The following ANO2 variants were observed in gnomAD, a reference collection of about 807,000 sequenced individuals.
ANO2 encodes anoctamin 2, also known as anoctamin-2.
Under a neutral mutation model 124.2 loss-of-function variants are expected in ANO2, and 101 were observed. The observed-to-expected ratio is 0.81, with a 90% CI of 0.69 to 0.96. The LOEUF is 0.96. Ranked by LOEUF, ANO2 falls within the 40% of genes least tolerant of loss-of-function variation. The pLI, the probability that ANO2 is intolerant of heterozygous loss-of-function variation, is 0.00. For missense variants in ANO2, 1,293 were observed against 1,274.5 expected (o/e 1.01, Z -0.22); for synonymous variants, 486 against 482.5 (o/e 1.01, Z -0.09).
At chr12:5,705,423 A>G (rs1471551639) in intron 14 of ANO2, among the ~76,000 whole-genome samples, 1 of 152,242 alleles carries the variant, frequency 6.6e-6, no homozygotes, top group Non-Finnish European at 1.5e-5. Flanking sequence ...CTCTCAGGCC[A>G]AGAATCACAG....
chr12:5,729,908 C>T (rs931227544), intron 14 of ANO2, among the ~76,000 whole-genome samples: 15 of 152,212 alleles, frequency 9.9e-5, no homozygotes, highest in African/African-American at 1.4e-4. Flanking sequence ...AGCTAAGGAC[C>T]GCATATTCTA....
chr12:5,686,132 C>T (rs1171670868), intron 14 of ANO2, among the ~76,000 whole-genome samples: 2 of 152,158 alleles, frequency 1.3e-5, no homozygotes, highest in African/African-American at 4.8e-5. Context: ...TCCCGGGTAG[C>T]TCTCGAGAAC....
At chr12:5,732,818 G>T (rs758858208) in intron 13 of ANO2, 188 bp from the exon 14 acceptor site, 1 of 1,612,498 alleles carries the variant, frequency 6.2e-7, no homozygotes, top group Admixed American at 1.7e-5. Context: ...ACAACGTGAG[G>T]AAGAGACAAG....
At chr12:5,630,739 G>A (rs748836877) in intron 16 of ANO2, among the ~76,000 whole-genome samples, 5 of 152,172 alleles carry the variant, frequency 3.3e-5, no homozygotes, top group South Asian at 2.1e-4. Context: ...CAGGCACTGC[G>A]CAGGAAATAA....
chr12:5,593,669 C>T (rs913827492), intron 20 of ANO2, among the ~76,000 whole-genome samples: 3 of 152,290 alleles, frequency 2.0e-5, no homozygotes, highest in African/African-American at 7.2e-5. Context: ...GGCCAATGTT[C>T]ATTGACGGTC....
At chr12:5,673,240 G>A (rs1203365661) in intron 14 of ANO2, among the ~76,000 whole-genome samples, 2 of 152,138 alleles carry the variant, frequency 1.3e-5, no homozygotes, top group Non-Finnish European at 2.9e-5. Context: ...CAAGAAATGG[G>A]GACTAGATGA....
intron 2 of ANO2, among the ~76,000 whole-genome samples, chr12:5,922,117 T>G (rs1185170471): frequency 6.6e-6 from 1 of 152,006 alleles, no homozygotes; most frequent in African/African-American, 2.4e-5. Flanking sequence ...TGACTTCTGC[T>G]GTCTTCCACT....
intron 10 of ANO2, among the ~76,000 whole-genome samples, chr12:5,767,117 C>A (rs1474450004): frequency 1.3e-5 from 2 of 152,188 alleles, no homozygotes; most frequent in African/African-American, 4.8e-5. Flanking sequence ...CTCAACTCTG[C>A]CAAGCTGACC....
chr12:5,699,316 C>T (rs1271690155), intron 14 of ANO2, among the ~76,000 whole-genome samples: 1 of 152,142 alleles, frequency 6.6e-6, no homozygotes, highest in South Asian at 2.1e-4. Flanking sequence ...GAATTTTCAA[C>T]CCAGAATTTC....
At chr12:5,664,039 G>C (rs1428451840) in intron 14 of ANO2, among the ~76,000 whole-genome samples, 1 of 152,212 alleles carries the variant, frequency 6.6e-6, no homozygotes, top group Non-Finnish European at 1.5e-5. Flanking sequence ...AAGCATGGTG[G>C]AAGAGCTTCT....
In ANO2 at chr12:5,922,777, C is replaced by A; in HGVS notation, c.50G>T (p.Arg17Leu). Reference sequence around the variant, plus strand: ...GGACCCTGCCTGAGGGCTCAGCCGGCGTGGGGAGCCAGGGAGCAGGGGTAT... The same window carrying A: ...GGACCCTGCCTGAGGGCTCAGCCGGAGTGGGGAGCCAGGGAGCAGGGGTAT... ...RDIPLLPGSP[R>L]RLSPQAGSRG... The change falls in exon 2 of 25, where the codon CGC becomes CTC. Residue 17 changes from arginine to leucine, a missense_variant. Coordinates refer to ENST00000682330, the MANE Select transcript of ANO2 (RefSeq NM_001364791.2). The A allele has an allele frequency of 6.5e-7, 1 of 1,538,682 alleles. No homozygotes were observed.
intron 19 of ANO2, among the ~76,000 whole-genome samples, chr12:5,611,329 T>C (rs1030521015): frequency 2.0e-5 from 3 of 152,198 alleles, no homozygotes; most frequent in Non-Finnish European, 2.9e-5. Flanking sequence ...CCTTTACTTA[T>C]TCTGAATTCT....
chr12:5,595,496 T>C lies in ANO2; in HGVS notation c.2233+3988A>G, dbSNP rs563202500. Among the ~76,000 whole-genome samples the C allele has an allele frequency of 2.6e-5, 4 of 152,254 alleles. No individual in the cohort carries two copies. The South Asian group carries it at 6.2e-4, about 24-fold the overall frequency. On this transcript the variant is annotated intron_variant, in intron 20 of 24. Transcript: ENST00000682330. The stretch of plus-strand genomic sequence containing the variant: ...TCTCAGCCTCCCAAAGTGCTGGGTT[T>C]ATAAGCATGAGCCACTGCACCTGGC...
chr12:5,887,850 T>G (rs927239508), intron 3 of ANO2, among the ~76,000 whole-genome samples: 15 of 152,042 alleles, frequency 9.9e-5, no homozygotes, highest in Non-Finnish European at 1.9e-4. Flanking sequence ...TTTTTTTTTT[T>G]TAGTGGAAAC....
At chr12:5,785,385 T>G (rs1952512620) in intron 10 of ANO2, among the ~76,000 whole-genome samples, 1 of 152,060 alleles carries the variant, frequency 6.6e-6, no homozygotes, top group African/African-American at 2.4e-5. Context: ...GGGTTGGGCA[T>G]GTTCCCAGCT....
At chr12:5,803,584 G>A (rs1953108541) in intron 9 of ANO2, among the ~76,000 whole-genome samples, 1 of 152,128 alleles carries the variant, frequency 6.6e-6, no homozygotes, top group South Asian at 2.1e-4. Flanking sequence ...GATGGTGACA[G>A]CCACTTCTCT....
intron 3 of ANO2, among the ~76,000 whole-genome samples, chr12:5,916,491 T>TAA (rs769233593): frequency 8.2e-5 from 8 of 98,122 alleles, no homozygotes; most frequent in Non-Finnish European, 1.2e-4. Context: ...TCGCAGCAGG[T>TAA]TAAAAAAAAA....
At chr12:5,864,262 C>T (rs73257222) in intron 3 of ANO2, among the ~76,000 whole-genome samples, 2,549 of 152,234 alleles carry the variant, frequency 0.017, 68 homozygotes, top group African/African-American at 0.054. Context: ...TCAAAGATAA[C>T]AGGCTGAAAG....
At chr12:5,760,902 T>G (rs961638494) in intron 10 of ANO2, among the ~76,000 whole-genome samples, 1 of 152,138 alleles carries the variant, frequency 6.6e-6, no homozygotes, top group Admixed American at 6.5e-5. Context: ...AGGTTACTTG[T>G]GTAAAAGTTG....
Sources: gnomAD v4.1 joint callset for allele counts (sites outside exome capture counted in the v4.1 genomes callset) on GRCh38, gnomAD v4.1.1 for gene constraint, MANE v1.5 for transcripts, NCBI Gene and HGNC (gene_info 2026-07-23, HGNC 2026-07-21) for gene names.